Variants in KLHL29 observed in about 807,000 individuals in gnomAD.
The protein encoded by KLHL29 is kelch-like protein 29.
KLHL29 carries 21 observed loss-of-function variants against 80.4 expected under a neutral mutation model. The observed-to-expected ratio is 0.26, with a 90% CI of 0.19 to 0.38. The LOEUF is 0.38. Among genes scored for constraint, KLHL29 ranks in the 10% least tolerant of loss-of-function variants. KLHL29 has a pLI of 1.00. For synonymous variants in KLHL29, 511 were observed against 526.8 expected (o/e 0.97, Z 0.41); for missense variants, 867 against 1,223.9 (o/e 0.71, Z 4.35).
intron 2 of KLHL29, among the ~76,000 whole-genome samples, chr2:23,476,505 C>CG (rs942884410): frequency 2.6e-5 from 4 of 151,914 alleles, no homozygotes; most frequent in Non-Finnish European, 4.4e-5. Flanking sequence ...GGGTACTGTT[C>CG]GGGGGGCATG....
At chr2:23,648,530 C>G (rs536471766) in intron 5 of KLHL29, among the ~76,000 whole-genome samples, 126 of 152,248 alleles carry the variant, frequency 8.3e-4, no homozygotes, top group Middle Eastern at 6.8e-3. Context: ...CAATCCTCCA[C>G]TGACCATAAC....
At chr2:23,543,823 G>C (rs1666912438) in intron 2 of KLHL29, among the ~76,000 whole-genome samples, 1 of 152,164 alleles carries the variant, frequency 6.6e-6, no homozygotes. Flanking sequence ...AGAGCTGGCT[G>C]CTCCCTCCAC....
chr2:23,616,381 A>G (rs1329645347), intron 3 of KLHL29: 2 of 152,194 alleles, frequency 1.3e-5, no homozygotes, highest in Non-Finnish European at 2.9e-5. Context: ...GGGAAAGATG[A>G]AAGGAGAAAC....
intron 1 of KLHL29, among the ~76,000 whole-genome samples, chr2:23,419,937 T>C (rs55758235): frequency 0.14 from 22,041 of 152,030 alleles, 1,741 homozygotes; most frequent in Middle Eastern, 0.19. Flanking sequence ...CACTCCCTTC[T>C]CCCCACTGAG....
chr2:23,440,406 A>C (rs1663481553), intron 1 of KLHL29, among the ~76,000 whole-genome samples: 1 of 152,072 alleles, frequency 6.6e-6, no homozygotes, highest in African/African-American at 2.4e-5. Flanking sequence ...ACAATTCAGG[A>C]CATAGGCATG....
chr2:23,625,082 G>A (rs941303338), intron 3 of KLHL29, among the ~76,000 whole-genome samples: 2 of 152,206 alleles, frequency 1.3e-5, no homozygotes, highest in Non-Finnish European at 2.9e-5. Flanking sequence ...AGGAGAGCCA[G>A]GGTGCTGCCA....
rs951531098 is a variant in KLHL29 at position 23,696,433 on chromosome 2, G to A, written c.2025G>A (p.Arg675=). 8 of 1,551,256 alleles carry A rather than the reference G, an allele frequency of 5.2e-6. No homozygotes were observed. Among genetic ancestry groups the A allele is most frequent in the African/African-American group, 4.1e-5 (3 of 73,020 alleles). The change falls in exon 11 of 14, where the codon CGG becomes CGA. Residue 675 remains arginine, a synonymous_variant. Coordinates refer to ENST00000486442, the MANE Select transcript of KLHL29 (RefSeq NM_052920.2). This position sits in a 1 kb window ranked among gnomAD's most constrained non-coding sequence, Gnocchi z 5.5. ...CCAGAATGACAGTCCCCCGCTGTCG[G>A]CACAATAGCCTCGTCTACGATGGGA... ...LVSRMTVPRC[R]HNSLVYDGKI...
chr2:23,642,494 C>T lies in KLHL29; in HGVS notation c.584C>T (p.Pro195Leu). ...CCCTCACTGCCTCCCCACGTGGGGC[C>T]CCAGCTCCCGCTGATGCCAGGCCAC... ...VTPSLPPHVG[P>L]QLPLMPGHYS... Residue 195 changes from proline (P) to leucine (L), a missense_variant, in exon 5 of 14, where the codon CCC becomes CTC. By Grantham distance (98) the Pro-to-Leu change is moderately conservative. This residue lies in a region of KLHL29 where 424 missense variants were observed against 456.9 expected (regional missense o/e 0.93). Coordinates refer to ENST00000486442, the MANE Select transcript of KLHL29 (RefSeq NM_052920.2). The T allele has an allele frequency of 6.6e-7, 1 of 1,519,902 alleles. No homozygotes were observed. Among genetic ancestry groups the T allele is most frequent in the Non-Finnish European group, 8.9e-7 (1 of 1,127,524 alleles). The allele number at this position is 1,519,902 out of a possible 1,614,324, so 94.2% of individuals were successfully genotyped here.
chr2:23,440,946 A>C (rs1430142245), intron 1 of KLHL29, among the ~76,000 whole-genome samples: 1 of 152,208 alleles, frequency 6.6e-6, no homozygotes, highest in African/African-American at 2.4e-5. Flanking sequence ...CTGGAACTAG[A>C]AATACCATTT....
intron 1 of KLHL29, among the ~76,000 whole-genome samples, chr2:23,414,147 A>G (rs1001946663): frequency 4.6e-5 from 7 of 152,194 alleles, no homozygotes; most frequent in African/African-American, 1.7e-4. Context: ...GAGGGACTTA[A>G]TTGTCTTTGA....
intron 2 of KLHL29, among the ~76,000 whole-genome samples, chr2:23,520,433 C>A (rs1253581976): frequency 1.3e-5 from 2 of 152,206 alleles, no homozygotes; most frequent in Non-Finnish European, 2.9e-5. Context: ...ACAAAGCCTT[C>A]CCAGCCGGGG....
intron 3 of KLHL29, among the ~76,000 whole-genome samples, chr2:23,601,991 G>A (rs754560359): frequency 2.0e-5 from 3 of 152,170 alleles, no homozygotes; most frequent in Non-Finnish European, 4.4e-5. Flanking sequence ...GACAATTGAC[G>A]GGGGCTGAGG....
chr2:23,703,611 T>C, intron 12 of KLHL29, 108 bp from the exon 13 acceptor site: 1 of 1,330,422 alleles, frequency 7.5e-7, no homozygotes. Context: ...ATCAGTCACT[T>C]GTTGGAAGTC....
chr2:23,530,619 A>T (rs1405981594), intron 2 of KLHL29, among the ~76,000 whole-genome samples: 2 of 152,156 alleles, frequency 1.3e-5, no homozygotes, highest in Non-Finnish European at 2.9e-5. Context: ...TAGTTCTTCC[A>T]TCGTGTGGAA....
At chr2:23,419,839 G>T (rs1214771123) in intron 1 of KLHL29, among the ~76,000 whole-genome samples, 2 of 152,074 alleles carry the variant, frequency 1.3e-5, no homozygotes, top group African/African-American at 4.8e-5. Flanking sequence ...TAGGTCATTT[G>T]TTGAGAGGAA....
At position 23,684,125 on chromosome 2, in the gene KLHL29, C is replaced by G. The variant is rs1386268352; in HGVS notation, c.941-274C>G. Among the ~76,000 whole-genome samples the G allele has an allele frequency of 6.6e-6, 1 of 152,106 alleles. No individual in the cohort carries two copies. The highest frequency in any genetic ancestry group is 1.5e-5 in the Non-Finnish European group (1 of 68,012). The stretch of plus-strand genomic sequence containing the variant: ...TATGGGAATCTCTCCCCCAACCTTT[C>G]AATTTCTGGGTTTGATTTTTTGTAT... On this transcript the variant is annotated intron_variant, in intron 5 of 13. Coordinates refer to ENST00000486442, the MANE Select transcript of KLHL29 (RefSeq NM_052920.2). This position sits in a 1 kb window ranked among gnomAD's most constrained non-coding sequence, Gnocchi z 4.4.
At chr2:23,563,091 G>C (rs766869909) in intron 3 of KLHL29, among the ~76,000 whole-genome samples, 1 of 152,212 alleles carries the variant, frequency 6.6e-6, no homozygotes, top group Non-Finnish European at 1.5e-5. Flanking sequence ...TTCTGCAGAG[G>C]ACCCAGGACT....
At position 23,523,217 on chromosome 2, in the gene KLHL29, C is replaced by T. The variant is rs575521590; in HGVS notation, c.-45-38935C>T. Among the ~76,000 whole-genome samples the T allele has an allele frequency of 8.5e-5, 13 of 152,306 alleles. No individual in the cohort carries two copies. In the South Asian group the frequency reaches 2.7e-3, roughly 32 times the overall value. Reference sequence around the variant, plus strand: ...TGCCTGTCAGCGGCAGCACGGTCCACCCCAGGGTGGGCTGGGGCAGAGGGC... The same window carrying T: ...TGCCTGTCAGCGGCAGCACGGTCCATCCCAGGGTGGGCTGGGGCAGAGGGC... On this transcript the variant is annotated intron_variant, in intron 2 of 13. Transcript: ENST00000486442.
chr2:23,452,709 G>C (rs1663918790), intron 1 of KLHL29, among the ~76,000 whole-genome samples: 1 of 152,160 alleles, frequency 6.6e-6, no homozygotes, highest in South Asian at 2.1e-4. Flanking sequence ...ATATACAGCA[G>C]TGCATTTACA....
Sources: gnomAD v4.1 joint callset for allele counts (sites outside exome capture counted in the v4.1 genomes callset) on GRCh38, gnomAD v4.1.1 for gene constraint, gnomAD v4.1.1 regional missense constraint, Gnocchi (gnomAD v3.1) non-coding constraint, MANE v1.5 for transcripts, NCBI Gene and HGNC (gene_info 2026-07-23, HGNC 2026-07-21) for gene names.